The following C10orf90 variants were observed in gnomAD, a reference collection of about 807,000 sequenced individuals.
C10orf90 encodes the protein chromosome 10 open reading frame 90, also known as (E2-independent) E3 ubiquitin-conjugating enzyme FATS.
In C10orf90, 56 loss-of-function variants were observed where a neutral mutation model predicts 62.5. The observed-to-expected ratio is 0.90, with a 90% CI of 0.72 to 1.12. The LOEUF (loss-of-function observed/expected upper bound fraction) is 1.12. Among genes scored for constraint, C10orf90 ranks in the 50% most tolerant of loss-of-function variants. The pLI is 0.00. For missense variants in C10orf90, 970 were observed against 880.4 expected (o/e 1.10, Z -1.29); for synonymous variants, 386 against 340.4 (o/e 1.13, Z -1.47).
intron 2 of C10orf90, among the ~76,000 whole-genome samples, chr10:126,565,316 A>ATATTATATATT (rs1844342726): frequency 1.7e-5 from 1 of 59,842 alleles, no homozygotes. Flanking sequence ...ATTATATTAT[A>ATATTATATATT]TATATTATAT....
chr10:126,594,718 C>T (rs374857987), intron 2 of C10orf90, among the ~76,000 whole-genome samples: 8 of 152,086 alleles, frequency 5.3e-5, no homozygotes, highest in Admixed American at 2.0e-4. Context: ...GGAACTACAG[C>T]GGATTCAGAG....
chr10:126,524,614 T>C (rs150069262), intron 2 of C10orf90: 7 of 984,168 alleles, frequency 7.1e-6, no homozygotes, highest in Middle Eastern at 5.2e-4. Flanking sequence ...CACAGCATGA[T>C]ATGCTGGGAG....
intron 2 of C10orf90, 80 bp from the exon 3 acceptor site, chr10:126,514,019 A>G: frequency 1.0e-6 from 1 of 978,282 alleles, no homozygotes; most frequent in Non-Finnish European, 1.6e-6. Flanking sequence ...TGTAAAATTT[A>G]ATGTCACCTA....
intron 4 of C10orf90, among the ~76,000 whole-genome samples, chr10:126,502,050 C>CCA (rs1380130836): frequency 1.4e-5 from 2 of 146,430 alleles, no homozygotes; most frequent in African/African-American, 5.1e-5. Flanking sequence ...CACACCCACA[C>CCA]CACACACACG....
At position 126,561,375 on chromosome 10, in the gene C10orf90, AAG is replaced by A. The variant is rs1309211617; in HGVS notation, c.314-47438_314-47437del. Among the ~76,000 whole-genome samples the A allele has an allele frequency of 3.3e-5, 5 of 152,266 alleles. No homozygotes were observed. The East Asian group carries it at 9.6e-4, about 29-fold the overall frequency. On this transcript the variant is annotated intron_variant, in intron 2 of 9. Coordinates refer to ENST00000488181, the MANE Select transcript of C10orf90 (RefSeq NM_001350921.2). ...CACACGTGAGGCTTGAATACCTTAG[AAG>A]AGAGTGATTCCATGGAGATGAAATT...
intron 2 of C10orf90, 121 bp downstream of exon 2, chr10:126,646,444 G>A (rs922893551): frequency 1.2e-4 from 31 of 260,998 alleles, no homozygotes; most frequent in African/African-American, 5.1e-4. Context: ...ATCATCTCAC[G>A]TTTGGGGGAA....
Position 126,494,586 on chromosome 10 carries a change from T to A in C10orf90, c.1534+9371A>T, listed in dbSNP as rs147458946. ...AATGAGACACAGGCTCAGTGCAGGC[T>A]CTGCACCACACCAAAGCACACAGAA... On this transcript the variant is annotated intron_variant, in intron 4 of 9. Coordinates refer to ENST00000488181, the MANE Select transcript of C10orf90 (RefSeq NM_001350921.2). 3.3e-3 allele frequency among the ~76,000 whole-genome samples: 504 copies of A among 152,314 alleles called. 2 individuals carry two copies. Among genetic ancestry groups the A allele is most frequent in the Non-Finnish European group, 4.3e-3 (294 of 68,030 alleles).
chr10:126,461,401 T>A lies in C10orf90; in HGVS notation c.2010A>T (p.Gln670His). Residue 670 changes from glutamine to histidine, a missense_variant and splice_region_variant, in exon 6 of 10, where the codon CAA becomes CAT. Physicochemically the swap from Gln to His is conservative, Grantham distance 24 (BLOSUM62 0). Coordinates refer to ENST00000488181, the MANE Select transcript of C10orf90 (RefSeq NM_001350921.2). ...AGCCAGGACACACAGAAGGCCTTAC[T>A]TGCAAGGTCAAAGATCTTGCAGGCG... Reference protein sequence around the residue: ...QQTPARSLTLQEALEVRKPQF... With the variant: ...QQTPARSLTLHEALEVRKPQF... The A allele has an allele frequency of 6.2e-7, 1 of 1,613,870 alleles. No individual in the cohort carries two copies. Among genetic ancestry groups the A allele is most frequent in the South Asian group, 1.1e-5 (1 of 91,064 alleles).
intron 2 of C10orf90, among the ~76,000 whole-genome samples, chr10:126,566,316 C>A (rs1591105644): frequency 6.6e-6 from 1 of 152,298 alleles, no homozygotes; most frequent in African/African-American, 2.4e-5. Flanking sequence ...CATTAAGGGT[C>A]CCCTATGTGT....
intron 2 of C10orf90, among the ~76,000 whole-genome samples, chr10:126,522,179 A>T (rs1863775082): frequency 6.6e-6 from 1 of 152,234 alleles, no homozygotes; most frequent in South Asian, 2.1e-4. Flanking sequence ...GAGACAGGAC[A>T]ATCGCTTGAA....
At chr10:126,540,897 G>A (rs1050998945) in intron 2 of C10orf90, among the ~76,000 whole-genome samples, 10 of 152,076 alleles carry the variant, frequency 6.6e-5, no homozygotes, top group South Asian at 2.1e-4. Flanking sequence ...GAATATTTGC[G>A]TATAATATTC....
rs72839063 is a variant in C10orf90 at position 126,603,506 on chromosome 10, C to T, written c.313+43059G>A. Among the ~76,000 whole-genome samples the T allele has an allele frequency of 5.6e-3, 860 of 152,262 alleles. 2 individuals carry two copies. Among genetic ancestry groups the T allele is most frequent in the Non-Finnish European group, 0.01 (697 of 68,018 alleles). ...TGGTGGGGACACAGCCAAACCATAT[C>T]ATCATGCATGTCATCCGATGTTGTG... On this transcript the variant is annotated intron_variant, in intron 2 of 9. Transcript: ENST00000488181.
In C10orf90 at chr10:126,456,368, C is replaced by T. The variant is rs914265669; in HGVS notation, c.2188+2672G>A. Reference sequence around the variant, plus strand: ...AGGGTGGCCATAAAACCCACGTTGGCCAAGTCCCACTTTGAGAGCATGCTG... The same window carrying T: ...AGGGTGGCCATAAAACCCACGTTGGTCAAGTCCCACTTTGAGAGCATGCTG... On this transcript the variant is annotated intron_variant, in intron 7 of 9. Coordinates refer to ENST00000488181, the MANE Select transcript of C10orf90 (RefSeq NM_001350921.2). The surrounding 1 kb of genome is among the most constrained non-coding windows in gnomAD (Gnocchi z 4.9). Among the ~76,000 whole-genome samples, 3 of 152,132 alleles carry T rather than the reference C, an allele frequency of 2.0e-5. No individual in the cohort carries two copies. The East Asian group carries it at 5.8e-4, about 29-fold the overall frequency.
intron 7 of C10orf90, among the ~76,000 whole-genome samples, chr10:126,454,067 A>T (rs1263499186): frequency 6.6e-6 from 1 of 152,048 alleles, no homozygotes; most frequent in East Asian, 1.9e-4. Flanking sequence ...CAGTGGGCAC[A>T]GGATACAGGC....
chr10:126,669,699 C>CT lies in C10orf90; in HGVS notation c.240+541dup, dbSNP rs1846706900. On this transcript the variant is annotated intron_variant, in intron 1 of 9. Coordinates refer to ENST00000488181, the MANE Select transcript of C10orf90 (RefSeq NM_001350921.2). ...TAAATCTCCAAAGTTCTCTCACTCT[C>CT]TGTCTTTTTTTTTTTTTTTACAAAG... Among the ~76,000 whole-genome samples the CT allele has an allele frequency of 1.6e-4, 12 of 73,856 alleles. No homozygotes were observed. The South Asian group carries it at 0.011, about 66-fold the overall frequency. The allele number at this position is 73,856 out of a possible 152,430, so 48.5% of individuals were successfully genotyped here. A position where few individuals can be genotyped will look rare whatever the true frequency, so the allele number is the denominator to read the frequency against.
At chr10:126,578,142 G>T (rs1844664022) in intron 2 of C10orf90, among the ~76,000 whole-genome samples, 1 of 151,934 alleles carries the variant, frequency 6.6e-6, no homozygotes, top group Admixed American at 6.6e-5. Flanking sequence ...TTAATAAATT[G>T]GGCCTTATTA....
intron 4 of C10orf90, among the ~76,000 whole-genome samples, chr10:126,503,604 G>A (rs568333257): frequency 5.3e-5 from 8 of 152,220 alleles, no homozygotes; most frequent in African/African-American, 1.9e-4. Context: ...AAACATCTGG[G>A]GGCGAATGGC....
At chr10:126,540,660 T>G in intron 2 of C10orf90, among the ~76,000 whole-genome samples, 1 of 83,408 alleles carries the variant, frequency 1.2e-5, no homozygotes, top group Admixed American at 1.5e-4. Flanking sequence ...AAGTGAGACC[T>G]TGTCTAAAAA....
chr10:126,582,477 A>G (rs758391079), intron 2 of C10orf90, among the ~76,000 whole-genome samples: 15 of 152,206 alleles, frequency 9.9e-5, no homozygotes, highest in Non-Finnish European at 1.9e-4. Flanking sequence ...CATATCTGCA[A>G]CCTGCTGAGA....
Sources: allele counts gnomAD v4.1 joint callset (sites outside exome capture counted in the v4.1 genomes callset), GRCh38; gene constraint gnomAD v4.1.1; non-coding constraint Gnocchi (gnomAD v3.1); transcripts MANE v1.5; gene names NCBI Gene and HGNC (gene_info 2026-07-23, HGNC 2026-07-21).